Variants in CACNA1H observed in about 807,000 individuals in gnomAD.
CACNA1H encodes voltage-dependent T-type calcium channel subunit alpha-1H.
Under a neutral mutation model 192.5 loss-of-function variants are expected in CACNA1H, and 149 were observed. The ratio of observed to expected loss-of-function variants is 0.77; its 90% CI spans 0.68 to 0.89. The LOEUF is 0.89. Among genes scored for constraint, CACNA1H ranks in the 40% least tolerant of loss-of-function variants. The probability of loss-of-function intolerance (pLI) is 0.00; values close to 1 mark genes in which losing one functional copy is unlikely to be tolerated. For missense variants in CACNA1H, 4,257 were observed against 3,423.5 expected, an observed-to-expected ratio of 1.24 and a Z score of -6.08; for synonymous variants, 2,202 against 1,475.2, an observed-to-expected ratio of 1.49 and a Z score of -11.29.
At chr16:1,184,553 C>T (rs1194145556) in intron 2 of CACNA1H, among the ~76,000 whole-genome samples, 1 of 152,268 alleles carries the variant, frequency 6.6e-6, no homozygotes, top group Non-Finnish European at 1.5e-5. Context: ...CATCAGCCTC[C>T]AGGCATCCCT....
At position 1,211,964 on chromosome 16, in the gene CACNA1H, C is replaced by A. The variant is rs1220708007; in HGVS notation, c.4585C>A (p.Pro1529Thr). 1 of 1,613,520 alleles carries A rather than the reference C, an allele frequency of 6.2e-7. No individual in the cohort carries two copies. Among genetic ancestry groups the A allele is most frequent in the Non-Finnish European group, 8.5e-7 (1 of 1,179,666 alleles). ...VDQQPVQNHN[P>T]WMLLYFISFL... The stretch of plus-strand genomic sequence containing the variant: ...GCCACAGCCTGTGCAGAACCACAAC[C>A]CCTGGATGCTGCTGTACTTCATCTC... Residue 1529 changes from proline to threonine, a missense_variant, in exon 25 of 35, where the codon CCC (proline) becomes ACC (threonine). Physicochemically the swap from Pro to Thr is conservative, Grantham distance 38. Transcript: ENST00000348261.
At chr16:1,169,033 C>T (rs368930312) in intron 2 of CACNA1H, among the ~76,000 whole-genome samples, 6 of 151,916 alleles carry the variant, frequency 3.9e-5, no homozygotes, top group Admixed American at 2.0e-4. Context: ...TGCGTGGGCT[C>T]GGGTGCTCCA....
intron 2 of CACNA1H, among the ~76,000 whole-genome samples, chr16:1,166,663 C>G (rs1269204887): frequency 6.6e-6 from 1 of 152,086 alleles, no homozygotes; most frequent in Non-Finnish European, 1.5e-5. Context: ...TTGGCCTGTT[C>G]TGGACGTTCC....
At position 1,195,921 on chromosome 16, in the gene CACNA1H, C is replaced by T. The variant is rs369016752; in HGVS notation, c.546-5C>T. ...TGAGCTGCTCCCCCTCGGCCCCGCC[C>T]CCAGCATGATGGAGTACTCGTTGGA... On this transcript the variant is annotated splice_polypyrimidine_tract_variant and splice_region_variant and intron_variant, in intron 4 of 34. Coordinates refer to ENST00000348261, the MANE Select transcript of CACNA1H (RefSeq NM_021098.3). The T allele has an allele frequency of 2.5e-5, 41 of 1,612,112 alleles. No homozygotes were observed. The highest frequency in any genetic ancestry group is 3.1e-5 in the Non-Finnish European group (37 of 1,179,084).
rs544401405 is a variant in CACNA1H at position 1,218,995 on chromosome 16, G to A, written c.5913G>A (p.Pro1971=). Residue 1971 remains proline, a synonymous_variant, in exon 34 of 35, where the codon CCG becomes CCA. Transcript: ENST00000348261. The part of the protein sequence containing the change: ...PLGSVASVHS[P]PAESCASLQI... ...GCTCCGTTGCCTCTGTGCACTCTCC[G>A]CCCGCAGAGTCCTGTGCCTCCCTCC... The A allele has an allele frequency of 2.3e-5, 36 of 1,550,238 alleles. No homozygotes were observed. Among genetic ancestry groups the A allele is most frequent in the South Asian group, 1.3e-4 (11 of 84,052 alleles).
intron 2 of CACNA1H, among the ~76,000 whole-genome samples, chr16:1,188,705 C>T (rs937387930): frequency 1.4e-4 from 22 of 152,320 alleles, no homozygotes; most frequent in Admixed American, 1.4e-3. Flanking sequence ...TTTTCCTCCT[C>T]GACTACCCCC....
In CACNA1H at chr16:1,180,123, A is replaced by G. The variant is rs1341719086; in HGVS notation, c.300-14849A>G. Reference sequence around the variant, plus strand: ...CACAGGGCTGAGGGGCGTCGTGTGGATGGACGGCCAGCCCGTTGGGTGCCC... The same window carrying G: ...CACAGGGCTGAGGGGCGTCGTGTGGGTGGACGGCCAGCCCGTTGGGTGCCC... On this transcript the variant is annotated intron_variant, in intron 2 of 34. Coordinates refer to ENST00000348261, the MANE Select transcript of CACNA1H (RefSeq NM_021098.3). This position sits in a 1 kb window ranked among gnomAD's most constrained non-coding sequence, Gnocchi z 4.4. 1.3e-5 allele frequency among the ~76,000 whole-genome samples: 2 copies of G among 150,644 alleles called. No individual in the cohort carries two copies. Among genetic ancestry groups the G allele is most frequent in the Admixed American group, 6.6e-5 (1 of 15,180 alleles).
At chr16:1,169,458 G>T (rs1964141599) in intron 2 of CACNA1H, among the ~76,000 whole-genome samples, 2 of 152,298 alleles carry the variant, frequency 1.3e-5, no homozygotes, top group Non-Finnish European at 2.9e-5. Context: ...CATGCCCGCG[G>T]CCCCCGCGAC....
intron 27 of CACNA1H, among the ~76,000 whole-genome samples, chr16:1,214,623 C>T (rs971971296): frequency 6.6e-6 from 1 of 152,192 alleles, no homozygotes; most frequent in Non-Finnish European, 1.5e-5. Flanking sequence ...CAGTAGAAGA[C>T]AGGGTGGGAG....
intron 27 of CACNA1H, 33 bp downstream of exon 27, chr16:1,213,964 G>C: frequency 6.3e-7 from 1 of 1,577,026 alleles, no homozygotes; most frequent in Non-Finnish European, 8.6e-7. Flanking sequence ...GGGCCCAGGG[G>C]CTGGGGCACC....
At chr16:1,170,671 C>T (rs1275103046) in intron 2 of CACNA1H, among the ~76,000 whole-genome samples, 1 of 152,284 alleles carries the variant, frequency 6.6e-6, no homozygotes, top group East Asian at 1.9e-4. Context: ...GTGGGGCCCT[C>T]CTCGTGCCCC....
At position 1,167,287 on chromosome 16, in the gene CACNA1H, G is replaced by A. The variant is rs143702996; in HGVS notation, c.299+13251G>A. On this transcript the variant is annotated intron_variant, in intron 2 of 34. Coordinates refer to ENST00000348261, the MANE Select transcript of CACNA1H (RefSeq NM_021098.3). The surrounding 1 kb of genome is among the most constrained non-coding windows in gnomAD (Gnocchi z 4.2). The stretch of plus-strand genomic sequence containing the variant: ...TCCCGGTGGGTGGGGCTTGCCGGCC[G>A]CCCGCGAATGTCAGGAACCTTGGAT... Among the ~76,000 whole-genome samples, 102 of 152,256 alleles carry A rather than the reference G, an allele frequency of 6.7e-4. No individual in the cohort carries two copies. The East Asian group carries it at 0.019, about 28-fold the overall frequency.
chr16:1,218,823 G>C (rs1013823100), intron 33 of CACNA1H, 147 bp from the exon 34 acceptor site: 5 of 1,100,020 alleles, frequency 4.5e-6, no homozygotes, highest in Non-Finnish European at 6.5e-6. Flanking sequence ...TGAGGAGGCT[G>C]GGTGTGGGCA....
intron 8 of CACNA1H, 47 bp downstream of exon 8, chr16:1,200,855 T>C: frequency 8.1e-7 from 1 of 1,235,570 alleles, no homozygotes; most frequent in Non-Finnish European, 1.1e-6. Context: ...TGGTGTTAGC[T>C]GGCTGGGGGT....
intron 2 of CACNA1H, among the ~76,000 whole-genome samples, chr16:1,179,485 C>T (rs904083212): frequency 1.3e-5 from 2 of 152,132 alleles, no homozygotes; most frequent in South Asian, 2.1e-4. Context: ...GTTGTTGTTG[C>T]TGGTGTGATC....
In CACNA1H at chr16:1,202,118, C is replaced by T. The variant is rs2407083; in HGVS notation, c.1668C>T (p.Pro556=). Residue 556 remains proline, a synonymous_variant, in exon 9 of 35, where the codon CCC becomes CCT. Coordinates refer to ENST00000348261, the MANE Select transcript of CACNA1H (RefSeq NM_021098.3). ...CDTRLVRAGA[P]PSPPSPGRGP... is the part of the protein sequence containing the mutation. Reference sequence around the variant, plus strand: ...CCAGGCTGGTCCGAGCTGGCGCGCCCCCCTCGCCACCTTCCCCAGGCCGCG... The same window carrying T: ...CCAGGCTGGTCCGAGCTGGCGCGCCTCCCTCGCCACCTTCCCCAGGCCGCG... The T allele has an allele frequency of 0.13, 198,276 of 1,546,556 alleles. 13,598 individuals are homozygous for T. The highest frequency in any genetic ancestry group is 0.16 in the South Asian group (13,200 of 83,994).
chr16:1,219,649 G>A (rs1388486540), intron 34 of CACNA1H, among the ~76,000 whole-genome samples: 6 of 152,238 alleles, frequency 3.9e-5, no homozygotes, highest in African/African-American at 1.4e-4. Flanking sequence ...GGAGCAGTTA[G>A]GAGAGCCCCA....
intron 33 of CACNA1H, 108 bp downstream of exon 33, chr16:1,218,759 A>T: frequency 4.2e-6 from 5 of 1,199,490 alleles, no homozygotes; most frequent in Non-Finnish European, 4.6e-6. Context: ...GGCAAGAGGA[A>T]GGATGGGCGG....
intron 2 of CACNA1H, among the ~76,000 whole-genome samples, chr16:1,155,509 C>T (rs534865639): frequency 1.1e-4 from 16 of 152,264 alleles, no homozygotes; most frequent in Non-Finnish European, 2.4e-4. Context: ...GAAGGGACTG[C>T]ATGGGTTGGA....
Sources: gnomAD v4.1 joint callset for allele counts (sites outside exome capture counted in the v4.1 genomes callset) on GRCh38, gnomAD v4.1.1 for gene constraint, Gnocchi (gnomAD v3.1) non-coding constraint, MANE v1.5 for transcripts, NCBI Gene and HGNC (gene_info 2026-07-23, HGNC 2026-07-21) for gene names.